Variants in SF3A1 observed in about 807,000 individuals in gnomAD.
The protein encoded by SF3A1 is splicing factor 3a subunit 1.
SF3A1 carries 13 observed loss-of-function variants against 89.9 expected under a neutral mutation model. That is an observed-to-expected ratio of 0.14 (90% CI 0.09 to 0.23). SF3A1 has a LOEUF of 0.23. Among genes scored for constraint, SF3A1 ranks in the 10% least tolerant of loss-of-function variants. The probability of loss-of-function intolerance (pLI) is 1.00; values close to 1 mark genes in which losing one functional copy is unlikely to be tolerated. For missense variants in SF3A1, 604 were observed against 1,022.1 expected (o/e 0.59, Z 5.58); for synonymous variants, 405 against 374.4 (o/e 1.08, Z -0.94).
intron 3 of SF3A1, among the ~76,000 whole-genome samples, chr22:30,345,918 C>A (rs1312428500): frequency 1.3e-5 from 2 of 152,088 alleles, no homozygotes; most frequent in Non-Finnish European, 2.9e-5. Context: ...AGGGATGGCA[C>A]AAGGAGGAGC....
Position 30,340,209 on chromosome 22 carries a change from C to A in SF3A1, c.1362G>T (p.Glu454Asp), listed in dbSNP as rs1601692877. The change falls in exon 9 of 16, where the codon GAG becomes GAT. Residue 454 changes from glutamate (E) to aspartate (D), a missense_variant. Coordinates refer to ENST00000215793, the MANE Select transcript of SF3A1 (RefSeq NM_005877.6). ...CCCCCACCTCACCTGGTGCGTACAC[C>A]TCATCATCGCTCTGCTTCTCACGGA... is the stretch of plus-strand genomic sequence containing the variant. ...RSIREKQSDD[E>D]VYAPGLDIES... is the part of the protein sequence containing the mutation. The A allele has an allele frequency of 6.4e-7, 1 of 1,574,744 alleles. No homozygotes were observed.
At chr22:30,352,078 A>G (rs1247709718) in intron 2 of SF3A1, among the ~76,000 whole-genome samples, 5 of 151,240 alleles carry the variant, frequency 3.3e-5, no homozygotes, top group Non-Finnish European at 5.9e-5. Context: ...GAGAGACAGG[A>G]GGAACCCGGA....
Position 30,337,673 on chromosome 22 carries a change from A to G in SF3A1, c.1951+17T>C. ...CCCTGAACTAATGGCCTGGAAAATG[A>G]TGCAAGAGATACTGACCTGTTGGCA... On this transcript the variant is annotated intron_variant, in intron 12 of 15. Coordinates refer to ENST00000215793, the MANE Select transcript of SF3A1 (RefSeq NM_005877.6). The G allele has an allele frequency of 2.2e-6, 2 of 892,678 alleles. No homozygotes were observed. The highest frequency in any genetic ancestry group is 1.4e-5 in the South Asian group (1 of 72,266). 55.3% of individuals were successfully genotyped at this position (892,678 alleles called of 1,614,324 possible). A position where few individuals can be genotyped will look rare whatever the true frequency, so the allele number is the denominator to read the frequency against.
chr22:30,349,111 G>A (rs948100577), intron 2 of SF3A1, among the ~76,000 whole-genome samples: 1 of 152,156 alleles, frequency 6.6e-6, no homozygotes, highest in Non-Finnish European at 1.5e-5. Context: ...AAATGAAAAG[G>A]CCTAACCTAG....
At chr22:30,350,433 TATC>T (rs1376335369) in intron 2 of SF3A1, among the ~76,000 whole-genome samples, 1 of 152,078 alleles carries the variant, frequency 6.6e-6, no homozygotes, top group Non-Finnish European at 1.5e-5. Context: ...AGTGAGCTGT[TATC>T]ATGCCACTGC....
At chr22:30,352,849 G>C in intron 2 of SF3A1, 102 bp downstream of exon 2, 1 of 1,436,260 alleles carries the variant, frequency 7.0e-7, no homozygotes, top group Non-Finnish European at 9.5e-7. Context: ...GAACTAAAAG[G>C]CCCAAGCCAA....
At chr22:30,345,672 G>GC (rs1187359958) in intron 3 of SF3A1, among the ~76,000 whole-genome samples, 11 of 152,200 alleles carry the variant, frequency 7.2e-5, no homozygotes, top group Non-Finnish European at 2.9e-5. Context: ...AGGCCTCATT[G>GC]CAACGCAAGG....
intron 2 of SF3A1, among the ~76,000 whole-genome samples, chr22:30,351,159 C>G (rs1026081321): frequency 2.0e-5 from 3 of 152,080 alleles, no homozygotes; most frequent in Non-Finnish European, 2.9e-5. Context: ...ATTACCTGGG[C>G]GTGGTGGCGC....
chr22:30,338,210 G>C (rs1188801636), intron 11 of SF3A1, among the ~76,000 whole-genome samples: 1 of 152,166 alleles, frequency 6.6e-6, no homozygotes, highest in Non-Finnish European at 1.5e-5. Context: ...TGTAATCTCA[G>C]CACTTTGGGA....
chr22:30,350,508 C>A (rs189841890), intron 2 of SF3A1, among the ~76,000 whole-genome samples: 15 of 152,092 alleles, frequency 9.9e-5, no homozygotes, highest in African/African-American at 3.6e-4. Context: ...GAAACCTCCT[C>A]CTCTAAGGAA....
chr22:30,337,925 C>T (rs2074731), intron 11 of SF3A1, 28 bp from the exon 12 acceptor site: 1 of 1,550,116 alleles, frequency 6.5e-7, no homozygotes. Flanking sequence ...CCACAGATTA[C>T]AGGAAGCCAA....
intron 1 of SF3A1, among the ~76,000 whole-genome samples, chr22:30,354,791 G>A (rs560649945): frequency 5.9e-5 from 9 of 152,274 alleles, no homozygotes; most frequent in African/African-American, 2.2e-4. Flanking sequence ...GGGCACAATG[G>A]CTTGCACCTA....
chr22:30,347,697 G>A (rs1307216355), intron 2 of SF3A1, among the ~76,000 whole-genome samples: 1 of 152,176 alleles, frequency 6.6e-6, no homozygotes, highest in African/African-American at 2.4e-5. Flanking sequence ...CACAAGATAT[G>A]AACACGTTCA....
rs137965264 is a variant in SF3A1 at position 30,351,409 on chromosome 22, C to A, written c.185+1542G>T. Among the ~76,000 whole-genome samples the A allele has an allele frequency of 2.5e-3, 377 of 152,306 alleles. 1 individual carries two copies. The highest frequency in any genetic ancestry group is 8.1e-3 in the African/African-American group (335 of 41,568). ...ATGATGCATACTGACTGAGACACTG[C>A]CTCAGGGGGGTGACGTGGTCCCTGG... On this transcript the variant is annotated intron_variant, in intron 2 of 15. Coordinates refer to ENST00000215793, the MANE Select transcript of SF3A1 (RefSeq NM_005877.6).
Position 30,340,347 on chromosome 22 carries a change from A to G in SF3A1, c.1224T>C (p.Asp408=). Residue 408 remains aspartate, a synonymous_variant, in exon 9 of 16, where the codon GAT becomes GAC. Coordinates refer to ENST00000215793, the MANE Select transcript of SF3A1 (RefSeq NM_005877.6). ...CAGTAATGGGGGACACAAGATACTC[A>G]TCTGGAGCAGGGGCTGGAGGCAAGG... The part of the protein sequence containing the change: ...SKPLPPAPAP[D]EYLVSPITGE... The G allele has an allele frequency of 6.2e-7, 1 of 1,611,752 alleles. No homozygotes were observed. Among genetic ancestry groups the G allele is most frequent in the Non-Finnish European group, 8.5e-7 (1 of 1,179,416 alleles).
chr22:30,355,263 G>A (rs1425738522), intron 1 of SF3A1, among the ~76,000 whole-genome samples: 3 of 152,058 alleles, frequency 2.0e-5, no homozygotes, highest in Non-Finnish European at 2.9e-5. Context: ...TGTCTGCCTC[G>A]GCCTCCCAAA....
chr22:30,336,816 C>G (rs1158039739), intron 13 of SF3A1, among the ~76,000 whole-genome samples: 1 of 152,212 alleles, frequency 6.6e-6, no homozygotes, highest in Non-Finnish European at 1.5e-5. Flanking sequence ...GCCACCACTA[C>G]CATCACCATC....
At chr22:30,340,146 T>G in intron 9 of SF3A1, 50 bp downstream of exon 9, 2 of 1,395,778 alleles carry the variant, frequency 1.4e-6, no homozygotes, top group Non-Finnish European at 1.9e-6. Context: ...TAGAAGAAGA[T>G]GGCTGTAATT....
In SF3A1 at chr22:30,337,068, C is replaced by T. The variant is rs769404178; in HGVS notation, c.2064G>A (p.Glu688=). The part of the protein sequence containing the change: ...DEPTSKKLKT[E]DSLMPEEEFL... ...ACTCCTCCTCTGGCATGAGGCTGTC[C>T]TCTGTCTTCAGTTTTTTGGAGGTGG... Residue 688 remains glutamate (E), a synonymous_variant, in exon 13 of 16, where the codon GAG becomes GAA. Transcript: ENST00000215793. 6.2e-7 allele frequency: 1 copy of T among 1,614,198 alleles called. No homozygotes were observed. Among genetic ancestry groups the T allele is most frequent in the South Asian group, 1.1e-5 (1 of 91,088 alleles).
Sources: allele counts gnomAD v4.1 joint callset (sites outside exome capture counted in the v4.1 genomes callset), GRCh38; gene constraint gnomAD v4.1.1; transcripts MANE v1.5; gene names NCBI Gene and HGNC (gene_info 2026-07-23, HGNC 2026-07-21).